GLCE: variants seen among roughly 807,000 people sequenced by gnomAD.
GLCE encodes the protein D-glucuronyl C5-epimerase.
In GLCE, 19 loss-of-function variants were observed where a neutral mutation model predicts 47.9. The ratio of observed to expected loss-of-function variants is 0.40; its 90% CI spans 0.28 to 0.58. The LOEUF (loss-of-function observed/expected upper bound fraction) is 0.58, where lower values mean the gene tolerates loss of function less well. Among genes scored for constraint, GLCE ranks in the 20% least tolerant of loss-of-function variants. GLCE has a pLI of 0.48. For synonymous variants in GLCE, 245 were observed against 263.4 expected (o/e 0.93, Z 0.68); for missense variants, 556 against 743.3 (o/e 0.75, Z 2.93).
chr15:69,256,854 T>A (rs2052932731), intron 3 of GLCE, among the ~76,000 whole-genome samples: 1 of 152,188 alleles, frequency 6.6e-6, no homozygotes, highest in South Asian at 2.1e-4. Flanking sequence ...TTCTCTGGAC[T>A]TATACTGAAC....
rs76649825 is a variant in GLCE, at chr15:69,174,935, T to C, written c.-105+14178T>C. ...ACAGTTTGGTAATCTATTAGTACTA[T>C]ATCCTATACTGTTACTAATTGCTTT... is the stretch of plus-strand genomic sequence containing the variant. On this transcript the variant is annotated intron_variant, in intron 1 of 4. Coordinates refer to ENST00000261858, the MANE Select transcript of GLCE (RefSeq NM_015554.3). Among the ~76,000 whole-genome samples the C allele has an allele frequency of 1.4e-3, 210 of 152,318 alleles. 4 individuals are homozygous for C. In the East Asian group the frequency reaches 0.038, roughly 27 times the overall value.
At chr15:69,228,237 C>A (rs780314212) in intron 2 of GLCE, among the ~76,000 whole-genome samples, 6 of 152,014 alleles carry the variant, frequency 3.9e-5, no homozygotes, top group Non-Finnish European at 7.4e-5. Context: ...TGAAGAGTGA[C>A]AGAAAGGGTA....
chr15:69,247,634 C>T (rs933548395), intron 2 of GLCE, among the ~76,000 whole-genome samples: 3 of 152,186 alleles, frequency 2.0e-5, no homozygotes, highest in African/African-American at 7.2e-5. Context: ...CCTCACTGAG[C>T]TTAATCATTT....
At chr15:69,255,747 G>T in intron 2 of GLCE, 47 bp from the exon 3 acceptor site, 15 of 1,022,658 alleles carry the variant, frequency 1.5e-5, no homozygotes, top group South Asian at 3.4e-5. Context: ...CCTATGAAAT[G>T]CCGGTAGTAC....
At chr15:69,239,353 A>C (rs1013403958) in intron 2 of GLCE, among the ~76,000 whole-genome samples, 1 of 152,216 alleles carries the variant, frequency 6.6e-6, no homozygotes, top group African/African-American at 2.4e-5. Flanking sequence ...TGATGTAGAA[A>C]GATAGAAAGC....
chr15:69,214,048 C>T (rs1296319739), intron 2 of GLCE, among the ~76,000 whole-genome samples: 1 of 151,920 alleles, frequency 6.6e-6, no homozygotes, highest in Non-Finnish European at 1.5e-5. Context: ...TACTTTCTGA[C>T]TTTATGAGAT....
chr15:69,235,093 C>CTTTTT lies in GLCE; in HGVS notation c.-13-20673_-13-20669dup, dbSNP rs869212730. On this transcript the variant is annotated intron_variant, in intron 2 of 4. Coordinates refer to ENST00000261858, the MANE Select transcript of GLCE (RefSeq NM_015554.3). ...CTGATACAGATAGATGAAGATTATTCTTTTTTTTTTTTTTTTTTTTTTTTT... is the reference window on the plus strand; with the variant it reads ...CTGATACAGATAGATGAAGATTATTCTTTTTTTTTTTTTTTTTTTTTTTTTTTTTT... Among the ~76,000 whole-genome samples the CTTTTT allele has an allele frequency of 1.1e-3, 67 of 62,884 alleles. 7 individuals carry two copies. Among genetic ancestry groups the CTTTTT allele is most frequent in the African/African-American group, 4.0e-3 (54 of 13,350 alleles). The allele number at this position is 62,884 out of a possible 152,430, so 41.3% of individuals were successfully genotyped here.
chr15:69,242,371 A>C (rs1477584151), intron 2 of GLCE, among the ~76,000 whole-genome samples: 1 of 152,008 alleles, frequency 6.6e-6, no homozygotes, highest in Non-Finnish European at 1.5e-5. Flanking sequence ...TGTATGTTCA[A>C]GTCTTGTATC....
intron 2 of GLCE, among the ~76,000 whole-genome samples, chr15:69,234,209 C>T (rs2052563682): frequency 6.6e-6 from 1 of 152,034 alleles, no homozygotes; most frequent in Admixed American, 6.6e-5. Flanking sequence ...AACTCCTGAC[C>T]TCAGGTAATC....
At chr15:69,187,093 G>A (rs917635464) in intron 1 of GLCE, among the ~76,000 whole-genome samples, 7 of 152,084 alleles carry the variant, frequency 4.6e-5, no homozygotes, top group African/African-American at 1.7e-4. Context: ...TAATGTTCAT[G>A]GTGAGTCTGA....
At chr15:69,213,305 A>G (rs2052258611) in intron 2 of GLCE, among the ~76,000 whole-genome samples, 1 of 152,078 alleles carries the variant, frequency 6.6e-6, no homozygotes, top group African/African-American at 2.4e-5. Flanking sequence ...CCAGGATCCC[A>G]TATTACATTT....
rs540025810 is a variant in GLCE at position 69,234,662 on chromosome 15, A to G, written c.-13-21132A>G. ...AGTTACATTCACCTCAAATTTAAAAACCAACAGAAAGTATCTACACCCTTT... is the reference window on the plus strand; with the variant it reads ...AGTTACATTCACCTCAAATTTAAAAGCCAACAGAAAGTATCTACACCCTTT... On this transcript the variant is annotated intron_variant, in intron 2 of 4. Transcript: ENST00000261858. Among the ~76,000 whole-genome samples, 20 of 152,040 alleles carry G rather than the reference A, an allele frequency of 1.3e-4. No individual in the cohort carries two copies. In the South Asian group the frequency reaches 1.9e-3, roughly 14 times the overall value.
At chr15:69,252,539 CACCTCCAACACTGAACATTACAT>C (rs1382418317) in intron 2 of GLCE, among the ~76,000 whole-genome samples, 2 of 152,212 alleles carry the variant, frequency 1.3e-5, no homozygotes, top group Non-Finnish European at 2.9e-5. Flanking sequence ...CCCTAGACCC[CACCTCCAACACTGAACATTACAT>C]TTCAACATGA....
At chr15:69,266,756 T>C (rs1249401618) in intron 4 of GLCE, 3 of 936,020 alleles carry the variant, frequency 3.2e-6, no homozygotes, top group East Asian at 1.2e-4. Context: ...ATCTCCAATA[T>C]CATTTGTCTT....
chr15:69,196,053 G>C (rs1029375401), intron 1 of GLCE, among the ~76,000 whole-genome samples: 1 of 152,114 alleles, frequency 6.6e-6, no homozygotes, highest in South Asian at 2.1e-4. Context: ...CATGGCAGTT[G>C]GAGGAGGGCA....
intron 2 of GLCE, among the ~76,000 whole-genome samples, chr15:69,236,416 T>C (rs1454056333): frequency 6.6e-6 from 1 of 152,264 alleles, no homozygotes; most frequent in South Asian, 2.1e-4. Flanking sequence ...AATTTGGAGA[T>C]GACATTTGAG....
chr15:69,190,912 T>G (rs908862403), intron 1 of GLCE, among the ~76,000 whole-genome samples: 7 of 152,136 alleles, frequency 4.6e-5, no homozygotes, highest in African/African-American at 1.4e-4. Flanking sequence ...CTTGCACTAT[T>G]GTCTTAGGAA....
chr15:69,184,361 G>GA (rs2051793044), intron 1 of GLCE, among the ~76,000 whole-genome samples: 1 of 152,022 alleles, frequency 6.6e-6, no homozygotes, highest in Non-Finnish European at 1.5e-5. Context: ...CCAAATCAGA[G>GA]AAAAATATTA....
intron 1 of GLCE, among the ~76,000 whole-genome samples, chr15:69,185,753 G>A (rs2051813841): frequency 6.6e-6 from 1 of 151,936 alleles, no homozygotes; most frequent in Non-Finnish European, 1.5e-5. Context: ...CATCAGCTGG[G>A]TATTCTCCAG....
Sources: gnomAD v4.1 joint callset for allele counts (sites outside exome capture counted in the v4.1 genomes callset) on GRCh38, gnomAD v4.1.1 for gene constraint, MANE v1.5 for transcripts, NCBI Gene and HGNC (gene_info 2026-07-23, HGNC 2026-07-21) for gene names.